NXPH1: variants seen among roughly 807,000 people sequenced by gnomAD.
NXPH1 encodes the protein neurexophilin-1.
Under a neutral mutation model 23.7 loss-of-function variants are expected in NXPH1, and 5 were observed. That is an observed-to-expected ratio of 0.21 (90% CI 0.11 to 0.44). The LOEUF is 0.44. Among genes scored for constraint, NXPH1 ranks in the 20% least tolerant of loss-of-function variants. NXPH1 has a pLI of 0.99. For missense variants in NXPH1, 324 were observed against 321.6 expected, an observed-to-expected ratio of 1.01 and a Z score of -0.06; for synonymous variants, 144 against 122.2, an observed-to-expected ratio of 1.18 and a Z score of -1.18.
chr7:8,497,841 T>C (rs1817364492), intron 2 of NXPH1, among the ~76,000 whole-genome samples: 1 of 152,176 alleles, frequency 6.6e-6, no homozygotes, highest in African/African-American at 2.4e-5. Context: ...GTAGTTTCTT[T>C]TGCTGTGCAG....
At chr7:8,641,311 T>A (rs1293025583) in intron 2 of NXPH1, among the ~76,000 whole-genome samples, 1 of 152,216 alleles carries the variant, frequency 6.6e-6, no homozygotes, top group Non-Finnish European at 1.5e-5. Context: ...CTCCTTGGAT[T>A]GAAAACCCTG....
chr7:8,695,856 C>CT (rs1299674442), intron 2 of NXPH1, among the ~76,000 whole-genome samples: 2 of 152,172 alleles, frequency 1.3e-5, no homozygotes, highest in African/African-American at 4.8e-5. Flanking sequence ...AACGTGGTTC[C>CT]TATTCTCAGC....
chr7:8,435,500 T>G lies in NXPH1; in HGVS notation c.-110-104T>G, dbSNP rs1332141651. On this transcript the variant is annotated intron_variant, in intron 1 of 2. Coordinates refer to ENST00000405863, the MANE Select transcript of NXPH1 (RefSeq NM_152745.3). This position sits in a 1 kb window ranked among gnomAD's most constrained non-coding sequence, Gnocchi z 5.9. ...ATTTTTCGTACCCTCCCTCCCTTTT[T>G]TTTTTGGTCCCCCACTCCCCGCTAC... 3.5e-6 allele frequency: 2 copies of G among 574,966 alleles called. No homozygotes were observed. Among genetic ancestry groups the G allele is most frequent in the Non-Finnish European group, 6.2e-6 (2 of 322,504 alleles). The allele number at this position is 574,966 out of a possible 1,614,324, so 35.6% of individuals were successfully genotyped here.
intron 2 of NXPH1, among the ~76,000 whole-genome samples, chr7:8,463,527 T>G (rs1046881374): frequency 2.0e-5 from 3 of 152,314 alleles, no homozygotes; most frequent in Admixed American, 2.0e-4. Context: ...ATTTCCAAAT[T>G]GCCATTCAAA....
chr7:8,575,424 T>C (rs918995022), intron 2 of NXPH1, among the ~76,000 whole-genome samples: 6 of 152,180 alleles, frequency 3.9e-5, no homozygotes, highest in Non-Finnish European at 7.4e-5. Flanking sequence ...TATATGTGAC[T>C]GTCCTAATAG....
intron 2 of NXPH1, among the ~76,000 whole-genome samples, chr7:8,722,836 A>G (rs941842623): frequency 6.6e-6 from 1 of 152,194 alleles, no homozygotes; most frequent in Non-Finnish European, 1.5e-5. Context: ...CTTTAGCTCT[A>G]TGAGGCTCAG....
chr7:8,737,404 T>C (rs1338377343), intron 2 of NXPH1, among the ~76,000 whole-genome samples: 1 of 152,198 alleles, frequency 6.6e-6, no homozygotes, highest in Non-Finnish European at 1.5e-5. Context: ...TTAGTTTGGC[T>C]GGATATGAAA....
intron 2 of NXPH1, among the ~76,000 whole-genome samples, chr7:8,541,404 T>G (rs570183886): frequency 1.3e-5 from 2 of 151,620 alleles, no homozygotes; most frequent in Admixed American, 1.3e-4. Flanking sequence ...GAGGGAGGAT[T>G]GGAAAGAAAG....
intron 2 of NXPH1, among the ~76,000 whole-genome samples, chr7:8,706,212 C>A (rs779830043): frequency 6.6e-6 from 1 of 152,144 alleles, no homozygotes; most frequent in Admixed American, 6.5e-5. Flanking sequence ...CATTGGAATA[C>A]CCGAACATGG....
chr7:8,614,682 C>T (rs11766625), intron 2 of NXPH1, among the ~76,000 whole-genome samples: 109 of 151,956 alleles, frequency 7.2e-4, no homozygotes, highest in Non-Finnish European at 1.3e-3. Flanking sequence ...ATGAAACTCA[C>T]TGGAAAGATT....
At chr7:8,512,473 T>C (rs1010124188) in intron 2 of NXPH1, among the ~76,000 whole-genome samples, 1 of 152,118 alleles carries the variant, frequency 6.6e-6, no homozygotes, top group South Asian at 2.1e-4. Flanking sequence ...ATACTGTGGC[T>C]CATCAACTCT....
rs114784496 is a variant in NXPH1, at chr7:8,627,862, C to G, written c.55-123146C>G. ...AAAGCCAGAGGTACAATAAAAAAAG[C>G]CTCTTTGGTTCTCTAGAGAATATAA... On this transcript the variant is annotated intron_variant, in intron 2 of 2. Coordinates refer to ENST00000405863, the MANE Select transcript of NXPH1 (RefSeq NM_152745.3). 2.4e-3 allele frequency among the ~76,000 whole-genome samples: 359 copies of G among 152,054 alleles called. 4 individuals carry two copies. Among genetic ancestry groups the G allele is most frequent in the African/African-American group, 8.0e-3 (333 of 41,484 alleles).
chr7:8,710,566 A>T (rs546428268), intron 2 of NXPH1, among the ~76,000 whole-genome samples: 15 of 152,110 alleles, frequency 9.9e-5, no homozygotes, highest in Non-Finnish European at 2.1e-4. Flanking sequence ...TTGAAGGCCA[A>T]AATCAACTGC....
chr7:8,718,508 A>C (rs1490062730), intron 2 of NXPH1, among the ~76,000 whole-genome samples: 1 of 152,238 alleles, frequency 6.6e-6, no homozygotes, highest in Non-Finnish European at 1.5e-5. Flanking sequence ...CCTGTTGAAA[A>C]GAGTAGTTGC....
chr7:8,697,195 G>C (rs1319125434), intron 2 of NXPH1, among the ~76,000 whole-genome samples: 1 of 151,318 alleles, frequency 6.6e-6, no homozygotes, highest in Admixed American at 6.6e-5. Context: ...ATGATGAAGT[G>C]AGGGGACCAG....
At chr7:8,633,992 T>C (rs1275582199) in intron 2 of NXPH1, among the ~76,000 whole-genome samples, 2 of 152,198 alleles carry the variant, frequency 1.3e-5, no homozygotes, top group African/African-American at 4.8e-5. Context: ...CTTCCTATTA[T>C]GGGGTCATTT....
chr7:8,492,026 CCAGAGGTAT>C (rs1817255576), intron 2 of NXPH1, among the ~76,000 whole-genome samples: 1 of 151,962 alleles, frequency 6.6e-6, no homozygotes. Flanking sequence ...CCACTTACCT[CCAGAGGTAT>C]CGATCTTTTT....
intron 2 of NXPH1, among the ~76,000 whole-genome samples, chr7:8,478,404 TAAGA>T (rs1274048199): frequency 2.0e-5 from 3 of 151,978 alleles, no homozygotes; most frequent in Non-Finnish European, 4.4e-5. Flanking sequence ...AAATATCAGT[TAAGA>T]AAGAATAAAC....
chr7:8,644,936 A>G (rs1820371920), intron 2 of NXPH1, among the ~76,000 whole-genome samples: 1 of 152,258 alleles, frequency 6.6e-6, no homozygotes, highest in South Asian at 2.1e-4. Context: ...TATAAACAGA[A>G]TGTCTTCTTT....
Sources: gnomAD v4.1 joint callset for allele counts (sites outside exome capture counted in the v4.1 genomes callset) on GRCh38, gnomAD v4.1.1 for gene constraint, Gnocchi (gnomAD v3.1) non-coding constraint, MANE v1.5 for transcripts, NCBI Gene and HGNC (gene_info 2026-07-23, HGNC 2026-07-21) for gene names.